Variants in ZBTB16 observed in about 807,000 individuals in gnomAD.
ZBTB16 encodes the protein zinc finger and BTB domain-containing protein 16.
A neutral mutation model predicts 56.8 loss-of-function variants in ZBTB16; 8 were observed. That is an observed-to-expected ratio of 0.14 (90% CI 0.08 to 0.25). ZBTB16 has a LOEUF of 0.25. ZBTB16 is among the 10% of genes least tolerant of loss of function. The pLI, the probability that ZBTB16 is intolerant of heterozygous loss-of-function variation, is 1.00. For missense variants in ZBTB16, 625 were observed against 903.0 expected (o/e 0.69, Z 3.95); for synonymous variants, 363 against 368.5 (o/e 0.98, Z 0.17).
rs142247252 is a variant in ZBTB16 at position 114,255,550 on chromosome 11, C to T, written c.*4995C>T. On this transcript the variant is annotated 3_prime_UTR_variant, in exon 7 of 7. Transcript: ENST00000335953. ...CTCCCTCTCTCCTGCCTCCTGCTGCCCCCTCCCCAGCCCACTTCCCCGAGT... is the reference window on the plus strand; with the variant it reads ...CTCCCTCTCTCCTGCCTCCTGCTGCTCCCTCCCCAGCCCACTTCCCCGAGT... 4.8e-3 allele frequency among the ~76,000 whole-genome samples: 721 copies of T among 151,782 alleles called. 6 individuals carry two copies. Among genetic ancestry groups the T allele is most frequent in the African/African-American group, 0.015 (613 of 41,350 alleles).
intron 2 of ZBTB16, among the ~76,000 whole-genome samples, chr11:114,088,140 C>CTTTTTTTTTTTTTTT (rs10695166): frequency 8.1e-6 from 1 of 123,082 alleles, no homozygotes. Flanking sequence ...CCAGATACTT[C>CTTTTTTTTTTTTTTT]TTTTTTTTTT....
chr11:114,125,854 A>G (rs940855734), intron 2 of ZBTB16, among the ~76,000 whole-genome samples: 3 of 152,188 alleles, frequency 2.0e-5, no homozygotes, highest in African/African-American at 4.8e-5. Context: ...TCACTCCACA[A>G]TACGCATCTC....
At chr11:114,062,481 G>T (rs1938922514) in intron 1 of ZBTB16, among the ~76,000 whole-genome samples, 1 of 152,216 alleles carries the variant, frequency 6.6e-6, no homozygotes, top group South Asian at 2.1e-4. Flanking sequence ...CAATAACTTT[G>T]AGGCTTCCGT....
At chr11:114,090,480 C>G (rs977462803) in intron 2 of ZBTB16, among the ~76,000 whole-genome samples, 4 of 152,164 alleles carry the variant, frequency 2.6e-5, no homozygotes, top group African/African-American at 9.7e-5. Flanking sequence ...CAGGGGAGCT[C>G]CCTCTCTCCC....
intron 4 of ZBTB16, among the ~76,000 whole-genome samples, chr11:114,197,657 T>C (rs1223223117): frequency 8.1e-6 from 1 of 124,048 alleles, no homozygotes; most frequent in Non-Finnish European, 1.7e-5. Flanking sequence ...TTTTCTGTAG[T>C]GGGTGATCAT....
At chr11:114,181,991 C>T (rs558607192) in intron 3 of ZBTB16, among the ~76,000 whole-genome samples, 4 of 152,288 alleles carry the variant, frequency 2.6e-5, no homozygotes, top group South Asian at 2.1e-4. Context: ...TCCCTGACTA[C>T]GCTGTGTAAA....
chr11:114,114,117 A>T (rs1850475004), intron 2 of ZBTB16, among the ~76,000 whole-genome samples: 1 of 152,232 alleles, frequency 6.6e-6, no homozygotes, highest in Non-Finnish European at 1.5e-5. Context: ...TCGGGAAATA[A>T]GTAGAGATAC....
At chr11:114,086,255 GC>G in intron 2 of ZBTB16, among the ~76,000 whole-genome samples, 1 of 152,286 alleles carries the variant, frequency 6.6e-6, no homozygotes, top group East Asian at 1.9e-4. Context: ...GAACGGAAGT[GC>G]TTTTGTTTTT....
intron 2 of ZBTB16, among the ~76,000 whole-genome samples, chr11:114,142,530 A>T (rs185806569): frequency 6.6e-6 from 1 of 152,246 alleles, no homozygotes; most frequent in Non-Finnish European, 1.5e-5. Context: ...CGCTGTTGAC[A>T]TAAATTTGGA....
At chr11:114,102,909 A>G (rs1000771366) in intron 2 of ZBTB16, among the ~76,000 whole-genome samples, 1 of 152,224 alleles carries the variant, frequency 6.6e-6, no homozygotes, top group African/African-American at 2.4e-5. Flanking sequence ...CAATAGAGCC[A>G]GCTAAAGCTC....
intron 4 of ZBTB16, among the ~76,000 whole-genome samples, chr11:114,235,788 C>T (rs1944575920): frequency 7.7e-6 from 1 of 129,934 alleles, no homozygotes; most frequent in African/African-American, 3.3e-5. Flanking sequence ...TTCCTTCCTT[C>T]TCCTTTTTTT....
At chr11:114,117,754 T>C (rs921312971) in intron 2 of ZBTB16, among the ~76,000 whole-genome samples, 31 of 152,222 alleles carry the variant, frequency 2.0e-4, no homozygotes, top group African/African-American at 7.5e-4. Context: ...AAGTTGTCAG[T>C]ATACTAATTC....
At chr11:114,081,182 C>A (rs1565614163) in intron 2 of ZBTB16, among the ~76,000 whole-genome samples, 1 of 152,304 alleles carries the variant, frequency 6.6e-6, no homozygotes, top group South Asian at 2.1e-4. Context: ...GACTTGAGAG[C>A]AGTTTCAGAT....
At position 114,214,522 on chromosome 11, in the gene ZBTB16, G is replaced by A. The variant is rs1358268986; in HGVS notation, c.1453+27484G>A. Among the ~76,000 whole-genome samples the A allele has an allele frequency of 2.0e-5, 3 of 152,152 alleles. No individual in the cohort carries two copies. The East Asian group carries it at 5.8e-4, about 29-fold the overall frequency. ...TATTATGATCCCTGGAGTAAACTTA[G>A]GCTGAAGAGAGATTCTATATCTTGC... On this transcript the variant is annotated intron_variant, in intron 4 of 6. Coordinates refer to ENST00000335953, the MANE Select transcript of ZBTB16 (RefSeq NM_006006.6).
Position 114,255,718 on chromosome 11 carries a change from T to A in ZBTB16, c.*5163T>A, listed in dbSNP as rs1170231185. Among the ~76,000 whole-genome samples, 2 of 143,276 alleles carry A rather than the reference T, an allele frequency of 1.4e-5. No homozygotes were observed. Among genetic ancestry groups the A allele is most frequent in the African/African-American group, 5.2e-5 (2 of 38,682 alleles). The allele number at this position is 143,276 out of a possible 152,430, so 94.0% of individuals were successfully genotyped here. A position where few individuals can be genotyped will look rare whatever the true frequency, so the allele number is the denominator to read the frequency against. ...TAATTTCAGTGTTTCTGACAAGATT[T>A]AAAAAAAAAAAAAAAGGAAAAAAAA... On this transcript the variant is annotated 3_prime_UTR_variant, in exon 7 of 7. Transcript: ENST00000335953.
chr11:114,147,280 C>G (rs1287706303), intron 2 of ZBTB16, among the ~76,000 whole-genome samples: 1 of 152,190 alleles, frequency 6.6e-6, no homozygotes, highest in African/African-American at 2.4e-5. Flanking sequence ...CATTGTGTCT[C>G]CCTGGCTAGA....
intron 4 of ZBTB16, among the ~76,000 whole-genome samples, chr11:114,233,988 C>G (rs1472381615): frequency 6.6e-6 from 1 of 152,208 alleles, no homozygotes; most frequent in Non-Finnish European, 1.5e-5. Flanking sequence ...TGTAATCACT[C>G]TCTCATCCAT....
Position 114,063,925 on chromosome 11 carries a change from A to T in ZBTB16, c.625A>T (p.Ile209Leu). The change falls in exon 2 of 7, where the codon ATA becomes TTA. Residue 209 changes from isoleucine to leucine, a missense_variant. By Grantham distance (5) the Ile-to-Leu change is conservative. Transcript: ENST00000335953. This position sits in a 1 kb window ranked among gnomAD's most constrained non-coding sequence, Gnocchi z 6.5. ...GGCTGCAGTGGACAGTTTGATGACC[A>T]TAGGACAGTCTCTCCTGCAGGGAAC... Reference protein sequence around the residue: ...TKAAVDSLMTIGQSLLQGTLQ... With the variant: ...TKAAVDSLMTLGQSLLQGTLQ... The T allele has an allele frequency of 1.2e-6, 2 of 1,613,926 alleles. No individual in the cohort carries two copies. Among genetic ancestry groups the T allele is most frequent in the Non-Finnish European group, 1.7e-6 (2 of 1,180,018 alleles).
chr11:114,065,892 C>T (rs1046242632), intron 2 of ZBTB16, among the ~76,000 whole-genome samples: 1 of 152,006 alleles, frequency 6.6e-6, no homozygotes, highest in Non-Finnish European at 1.5e-5. Flanking sequence ...TGGAACAGAG[C>T]GTTTTGAAGA....
Sources: gnomAD v4.1 joint callset for allele counts (sites outside exome capture counted in the v4.1 genomes callset) on GRCh38, gnomAD v4.1.1 for gene constraint, Gnocchi (gnomAD v3.1) non-coding constraint, MANE v1.5 for transcripts, NCBI Gene and HGNC (gene_info 2026-07-23, HGNC 2026-07-21) for gene names.